The following LUZP1 variants were observed in gnomAD, a reference collection of about 807,000 sequenced individuals.
LUZP1 encodes leucine zipper protein 1.
A neutral mutation model predicts 71.3 loss-of-function variants in LUZP1; 25 were observed. The ratio of observed to expected loss-of-function variants is 0.35; its 90% CI spans 0.26 to 0.49. LUZP1 has a LOEUF of 0.49. Ranked by LOEUF, LUZP1 falls within the 20% of genes least tolerant of loss-of-function variation. The pLI is 0.99. For synonymous variants in LUZP1, 481 were observed against 506.4 expected, an observed-to-expected ratio of 0.95 and a Z score of 0.67; for missense variants, 1,142 against 1,300.8, an observed-to-expected ratio of 0.88 and a Z score of 1.88.
chr1:23,154,107 G>A (rs1644403581), intron 2 of LUZP1, among the ~76,000 whole-genome samples: 1 of 152,152 alleles, frequency 6.6e-6, no homozygotes, highest in Non-Finnish European at 1.5e-5. Context: ...ACCACTTACA[G>A]AACATTCTGG....
chr1:23,088,799 C>A, exon 5 of LUZP1: 1 of 1,502,030 alleles, frequency 6.7e-7, no homozygotes, highest in Non-Finnish European at 9.0e-7. Context: ...AGGCTTGTGT[C>A]TTGCCTGGTT....
rs1214101407 is a variant in LUZP1 at position 23,094,399 on chromosome 1, A to G, written c.-119-19T>C. ...CATCAATCTACAAAAGGAAAGTAGAAAGCATGTCAGTCAGCAAATGTAAAA... is the reference window on the plus strand; with the variant it reads ...CATCAATCTACAAAAGGAAAGTAGAGAGCATGTCAGTCAGCAAATGTAAAA... On this transcript the variant is annotated intron_variant, in intron 3 of 4. Transcript: ENST00000302291. This position sits in a 1 kb window ranked among gnomAD's most constrained non-coding sequence, Gnocchi z 4.7. 7.0e-7 allele frequency: 1 copy of G among 1,423,790 alleles called. No individual in the cohort carries two copies. Among genetic ancestry groups the G allele is most frequent in the Admixed American group, 3.1e-5 (1 of 31,792 alleles). 88.2% of individuals were successfully genotyped at this position (1,423,790 alleles called of 1,614,324 possible).
In LUZP1 at chr1:23,084,478, C is replaced by T. The variant is rs139871782; in HGVS notation, c.*4417G>A. 3.9e-5 allele frequency: 6 copies of T among 152,214 alleles called. No homozygotes were observed. In the East Asian group the frequency reaches 1.2e-3, roughly 29 times the overall value. The allele number at this position is 152,214 out of a possible 1,614,324, so 9.4% of individuals were successfully genotyped here. Reference sequence around the variant, plus strand: ...GATTACATTTAAGGCCCACCTGGATCATCTAGGATGTTCTGCCTCATCCCA... The same window carrying T: ...GATTACATTTAAGGCCCACCTGGATTATCTAGGATGTTCTGCCTCATCCCA... On this transcript the variant is annotated 3_prime_UTR_variant, in exon 5 of 5. Transcript: ENST00000302291.
Position 23,091,143 on chromosome 1 carries a change from G to A in LUZP1, c.3072+47C>T, listed in dbSNP as rs376786809. 11 of 1,528,072 alleles carry A rather than the reference G, an allele frequency of 7.2e-6. No homozygotes were observed. The African/African-American group carries it at 1.5e-4, about 21-fold the overall frequency. The allele number at this position is 1,528,072 out of a possible 1,614,324, so 94.7% of individuals were successfully genotyped here. A position where few individuals can be genotyped will look rare whatever the true frequency, so the allele number is the denominator to read the frequency against. ...AGGGGAAAAAGGAAAAGGCAAAGAA[G>A]GAAAAGGGAGGGAGAAAAGAGAGAG... On this transcript the variant is annotated intron_variant, in intron 4 of 4. Coordinates refer to ENST00000302291, the Ensembl canonical transcript of LUZP1.
rs1196856982 is a variant in LUZP1, at chr1:23,093,875, CCTG to C, written c.384_386del (p.Ser128del). 6.2e-7 allele frequency: 1 copy of C among 1,614,008 alleles called. No individual in the cohort carries two copies. Among genetic ancestry groups the C allele is most frequent in the Non-Finnish European group, 8.5e-7 (1 of 1,180,050 alleles). ...ACAGCTGGGTACAGTCATTCTTACT[CCTG>C]CTGAAGGCCTCTTCTAGCTTCTCTA... On this transcript the variant is annotated inframe_deletion, in exon 4 of 5. Transcript: ENST00000302291. This position sits in a 1 kb window ranked among gnomAD's most constrained non-coding sequence, Gnocchi z 4.2.
intron 2 of LUZP1, among the ~76,000 whole-genome samples, chr1:23,113,423 A>AAAAC (rs1374344400): frequency 6.6e-6 from 1 of 152,166 alleles, no homozygotes; most frequent in African/African-American, 2.4e-5. Flanking sequence ...AAACAAAACA[A>AAAAC]AAACAAACAA....
At chr1:23,114,715 C>G (rs1569594909) in intron 2 of LUZP1, among the ~76,000 whole-genome samples, 1 of 152,328 alleles carries the variant, frequency 6.6e-6, no homozygotes, top group South Asian at 2.1e-4. Context: ...GTGATCTTTT[C>G]TGACTAAAGC....
At chr1:23,171,865 G>T (rs1393618740) in intron 1 of LUZP1, among the ~76,000 whole-genome samples, 2 of 152,152 alleles carry the variant, frequency 1.3e-5, no homozygotes, top group African/African-American at 4.8e-5. Context: ...TATAAGGGAG[G>T]TTCTGAAGAA....
chr1:23,121,630 G>C (rs563543105), intron 2 of LUZP1, among the ~76,000 whole-genome samples: 10 of 152,236 alleles, frequency 6.6e-5, no homozygotes, highest in African/African-American at 2.4e-4. Context: ...TGAAGTGGGA[G>C]GATAGCTTAA....
chr1:23,095,698 T>C (rs1286039668), intron 3 of LUZP1, among the ~76,000 whole-genome samples: 1 of 152,122 alleles, frequency 6.6e-6, no homozygotes, highest in East Asian at 1.9e-4. Context: ...CTCCCTGATA[T>C]AGGGAGATAA....
At chr1:23,121,523 G>A (rs1297935666) in intron 2 of LUZP1, among the ~76,000 whole-genome samples, 1 of 152,174 alleles carries the variant, frequency 6.6e-6, no homozygotes, top group Non-Finnish European at 1.5e-5. Context: ...TTCAAGACTA[G>A]CCTGGGCAAC....
At chr1:23,084,356 T>G (rs886221471) in exon 5 of LUZP1, 3 of 152,170 alleles carry the variant, frequency 2.0e-5, no homozygotes, top group African/African-American at 4.8e-5. Flanking sequence ...CCTTCCTCCA[T>G]CCTCAGAGCA....
rs1436688811 is a variant in LUZP1 at position 23,091,722 on chromosome 1, T to C, written c.2540A>G (p.His847Arg). 1.9e-6 allele frequency: 3 copies of C among 1,613,970 alleles called. No homozygotes were observed. In the African/African-American group the frequency reaches 4.0e-5, roughly 22 times the overall value. Residue 847 changes from histidine to arginine, a missense_variant, in exon 4 of 5, where the codon CAC (histidine) becomes CGC (arginine). By Grantham distance (29) the His-to-Arg change is conservative (BLOSUM62 0). Coordinates refer to ENST00000302291, the Ensembl canonical transcript of LUZP1. Reference sequence around the variant, plus strand: ...AAGCTGCAGGGTGATGTCATGTTTGTGAATGGAGAGCTCAAAAGGGGAGCT... The same window carrying C: ...AAGCTGCAGGGTGATGTCATGTTTGCGAATGGAGAGCTCAAAAGGGGAGCT...
At chr1:23,118,589 T>C (rs1337924035) in intron 2 of LUZP1, among the ~76,000 whole-genome samples, 2 of 152,204 alleles carry the variant, frequency 1.3e-5, no homozygotes, top group Non-Finnish European at 2.9e-5. Flanking sequence ...TATGTGAAAG[T>C]ACTTTGTACA....
At chr1:23,108,712 A>G (rs1644004458) in intron 3 of LUZP1, among the ~76,000 whole-genome samples, 1 of 152,242 alleles carries the variant, frequency 6.6e-6, no homozygotes, top group Non-Finnish European at 1.5e-5. Context: ...TGATGACAAC[A>G]GTACTTACCT....
At chr1:23,167,648 A>T (rs766267626) in intron 2 of LUZP1, among the ~76,000 whole-genome samples, 3 of 152,254 alleles carry the variant, frequency 2.0e-5, no homozygotes, top group Non-Finnish European at 4.4e-5. Context: ...TGACGCGATG[A>T]AGAAACAGAT....
At chr1:23,097,946 G>A (rs1260481585) in intron 3 of LUZP1, among the ~76,000 whole-genome samples, 5 of 152,244 alleles carry the variant, frequency 3.3e-5, no homozygotes, top group Admixed American at 1.3e-4. Context: ...AATTCAAATG[G>A]AGATGACCGC....
intron 2 of LUZP1, among the ~76,000 whole-genome samples, chr1:23,160,218 C>T (rs1157390876): frequency 6.6e-6 from 1 of 152,130 alleles, no homozygotes; most frequent in African/African-American, 2.4e-5. Flanking sequence ...CTGCCTTTAA[C>T]ACAAGAGGAA....
intron 3 of LUZP1, among the ~76,000 whole-genome samples, chr1:23,103,061 C>G (rs1379313884): frequency 6.6e-6 from 1 of 151,772 alleles, no homozygotes; most frequent in Non-Finnish European, 1.5e-5. Context: ...GTCTCCCAAG[C>G]AGCTGGGACT....
Sources: gnomAD v4.1 joint callset for allele counts (sites outside exome capture counted in the v4.1 genomes callset) on GRCh38, gnomAD v4.1.1 for gene constraint, Gnocchi (gnomAD v3.1) non-coding constraint, MANE v1.5 for transcripts, NCBI Gene and HGNC (gene_info 2026-07-23, HGNC 2026-07-21) for gene names.